CALHM4: variants seen among roughly 807,000 people sequenced by gnomAD.
The protein encoded by CALHM4 is calcium homeostasis modulator family member 4.
In CALHM4, 16 loss-of-function variants were observed where a neutral mutation model predicts 13.3. That is an observed-to-expected ratio of 1.20 (90% CI 0.81 to 1.82). The LOEUF (loss-of-function observed/expected upper bound fraction) is 1.82, where lower values mean the gene tolerates loss of function less well. Among genes scored for constraint, CALHM4 ranks in the 40% most tolerant of loss-of-function variants. The pLI, the probability that CALHM4 is intolerant of heterozygous loss-of-function variation, is 0.00. For missense variants in CALHM4, 344 were observed against 374.9 expected (o/e 0.92, Z 0.68); for synonymous variants, 127 against 137.1 (o/e 0.93, Z 0.52).
At chr6:116,557,423 C>T (rs1270710358) in intron 1 of CALHM4, among the ~76,000 whole-genome samples, 1 of 152,150 alleles carries the variant, frequency 6.6e-6, no homozygotes, top group African/African-American at 2.4e-5. Context: ...CCATCATTAT[C>T]AAATACTTAT....
At chr6:116,546,276 C>G (rs947363231) in intron 2 of CALHM4, among the ~76,000 whole-genome samples, 2 of 152,104 alleles carry the variant, frequency 1.3e-5, no homozygotes, top group African/African-American at 4.8e-5. Context: ...TTTGAGAGCT[C>G]CTGAGACGTA....
At chr6:116,551,320 A>G (rs1774069788), upstream of CALHM4, among the ~76,000 whole-genome samples, 1 of 152,166 alleles carries the variant, frequency 6.6e-6, no homozygotes. Flanking sequence ...CTCTCTTCTT[A>G]TCCCTACTTC....
In CALHM4 at chr6:116,560,379, C is replaced by G. The variant is rs1288435603; in HGVS notation, c.*2168C>G. 2.6e-5 allele frequency among the ~76,000 whole-genome samples: 4 copies of G among 152,082 alleles called. No individual in the cohort carries two copies. Among genetic ancestry groups the G allele is most frequent in the Non-Finnish European group, 5.9e-5 (4 of 67,998 alleles). On this transcript the variant is annotated 3_prime_UTR_variant, in exon 2 of 2. Transcript: ENST00000368596. ...ATTAATAGTTGTTTATACCCTAATA[C>G]CAGGAAACTATTTCCACTAGCTTCT... is the stretch of plus-strand genomic sequence containing the variant.
intron 1 of CALHM4, among the ~76,000 whole-genome samples, chr6:116,542,473 G>C (rs1213342458): frequency 6.6e-6 from 1 of 151,960 alleles, no homozygotes; most frequent in Admixed American, 6.6e-5. Flanking sequence ...AAAATGTTAG[G>C]CTAAATTTCC....
In CALHM4 at chr6:116,543,393, T is replaced by C. The variant is rs528672084; in HGVS notation, c.-108-372T>C. ...AGCTCCATAGGTAAGGACAAAGAGA[T>C]CTTTATTCTGGAGAAAAAGGGGTAG... On this transcript the variant is annotated intron_variant, in intron 1 of 2. Coordinates refer to the CALHM4 transcript ENST00000368597. The C allele has an allele frequency of 1.9e-6, 3 of 1,548,868 alleles. No individual in the cohort carries two copies. In the East Asian group the frequency reaches 7.3e-5, roughly 38 times the overall value.
Position 116,558,347 on chromosome 6 carries a change from A to G in CALHM4, c.*136A>G. ...TTGTTTACGTAAGTCCATCTCAAAT[A>G]TTATTTCTAAAATCAATCTATTAGA... is the stretch of plus-strand genomic sequence containing the variant. On this transcript the variant is annotated 3_prime_UTR_variant, in exon 2 of 2. Transcript: ENST00000368596. 5 of 1,029,796 alleles carry G rather than the reference A, an allele frequency of 4.9e-6. No individual in the cohort carries two copies. Among genetic ancestry groups the G allele is most frequent in the Admixed American group, 3.1e-5 (1 of 32,352 alleles). 63.8% of individuals were successfully genotyped at this position (1,029,796 alleles called of 1,614,324 possible).
intron 2 of CALHM4, among the ~76,000 whole-genome samples, chr6:116,546,459 G>T (rs1424443742): frequency 1.3e-5 from 2 of 152,176 alleles, no homozygotes; most frequent in African/African-American, 4.8e-5. Flanking sequence ...GAGTCCATTA[G>T]TCCTATTTGT....
chr6:116,547,465 A>G (rs939098391), intron 2 of CALHM4, among the ~76,000 whole-genome samples: 5 of 152,220 alleles, frequency 3.3e-5, no homozygotes, highest in African/African-American at 4.8e-5. Context: ...TCCAGTCAAG[A>G]CACGAGCTTA....
upstream of CALHM4, among the ~76,000 whole-genome samples, chr6:116,551,780 T>C (rs1296706612): frequency 2.0e-5 from 3 of 152,172 alleles, no homozygotes; most frequent in Non-Finnish European, 4.4e-5. Context: ...ACCTTTTAAA[T>C]AAAATAACAA....
At chr6:116,549,674 T>C (rs888159131), upstream of CALHM4, among the ~76,000 whole-genome samples, 4 of 151,944 alleles carry the variant, frequency 2.6e-5, no homozygotes, top group South Asian at 4.1e-4. Context: ...CTGATAAAAG[T>C]ATATTAAAAA....
Position 116,538,911 on chromosome 6 carries a change from TG to T in CALHM4, c.-108-4853del, listed in dbSNP as rs1374969864. Among the ~76,000 whole-genome samples the T allele has an allele frequency of 2.0e-5, 3 of 152,114 alleles. No individual in the cohort carries two copies. In the East Asian group the frequency reaches 5.8e-4, roughly 29 times the overall value. ...CGCCCGGCTAATTTTTGTATTTTTT[TG>T]TAGAGGTGGGATTTCACCATGTTGG... On this transcript the variant is annotated intron_variant, in intron 1 of 2. Coordinates refer to the CALHM4 transcript ENST00000368597.
intron 1 of CALHM4, among the ~76,000 whole-genome samples, chr6:116,533,842 C>G (rs1375009470): frequency 6.6e-6 from 1 of 152,194 alleles, no homozygotes; most frequent in Non-Finnish European, 1.5e-5. Context: ...CCTTTCCTTC[C>G]TAACTTGCTA....
rs546968573 is a variant in CALHM4, at chr6:116,559,357, A to G, written c.*1146A>G. Among the ~76,000 whole-genome samples, 1 of 152,330 alleles carries G rather than the reference A, an allele frequency of 6.6e-6. No individual in the cohort carries two copies. Among genetic ancestry groups the G allele is most frequent in the African/African-American group, 2.4e-5 (1 of 41,580 alleles). ...ACTGCCAATAGTCAATCCAATTTTC[A>G]AGATTCACTTTCAAGGAGACCAAGG... On this transcript the variant is annotated 3_prime_UTR_variant, in exon 2 of 2. Transcript: ENST00000368596.
intron 1 of CALHM4, among the ~76,000 whole-genome samples, chr6:116,555,038 A>G (rs536240196): frequency 6.6e-6 from 1 of 152,378 alleles, no homozygotes; most frequent in African/African-American, 2.4e-5. Context: ...TGAAATCATC[A>G]TCATATAGTA....
chr6:116,534,069 C>G (rs548906167), intron 1 of CALHM4, among the ~76,000 whole-genome samples: 2 of 152,066 alleles, frequency 1.3e-5, no homozygotes, highest in Non-Finnish European at 2.9e-5. Context: ...AGGATTCCTC[C>G]TTTGGGTACT....
At position 116,554,238 on chromosome 6, in the gene CALHM4, A is replaced by G; in HGVS notation, c.445A>G (p.Ser149Gly). ...VDHYPMFDNV[S>G]ASKREEILAG... ...CCATTACCCAATGTTTGATAATGTC[A>G]GTGCCAGCAAACGAGAAGAGATCCT... The change falls in exon 1 of 2, where the codon AGT becomes GGT. Residue 149 changes from serine to glycine, a missense_variant. Coordinates refer to ENST00000368596, the MANE Select transcript of CALHM4 (RefSeq NM_001366078.2). 1.3e-6 allele frequency: 2 copies of G among 1,550,646 alleles called. No homozygotes were observed. The highest frequency in any genetic ancestry group is 1.7e-6 in the Non-Finnish European group (2 of 1,146,996).
Position 116,558,122 on chromosome 6 carries a change from G to T in CALHM4, c.856G>T (p.Asp286Tyr). The change falls in exon 2 of 2, where the codon GAC becomes TAC. Residue 286 changes from aspartate to tyrosine, a missense_variant. Asp to Tyr is a radical substitution (Grantham distance 160, BLOSUM62 -3). Transcript: ENST00000368596. ...ACCCACTCTTTTATGCATGGGTGATGACTTGCAAGGTCACTATAGCTTCCT... is the reference window on the plus strand; with the variant it reads ...ACCCACTCTTTTATGCATGGGTGATTACTTGCAAGGTCACTATAGCTTCCT... ...SVPTLLCMGDDLQGHYSFLGN... is the reference protein window; with the variant it reads ...SVPTLLCMGDYLQGHYSFLGN... The T allele has an allele frequency of 1.2e-6, 2 of 1,614,138 alleles. No individual in the cohort carries two copies. Among genetic ancestry groups the T allele is most frequent in the Non-Finnish European group, 1.7e-6 (2 of 1,180,006 alleles).
chr6:116,538,631 A>G (rs537899474), intron 1 of CALHM4, among the ~76,000 whole-genome samples: 3 of 152,260 alleles, frequency 2.0e-5, no homozygotes, highest in South Asian at 2.1e-4. Context: ...AACCTTAAAT[A>G]CAGGAGTCAG....
Position 116,554,133 on chromosome 6 carries a change from G to C in CALHM4, c.340G>C (p.Ala114Pro). The change falls in exon 1 of 2, where the codon GCT (alanine) becomes CCT (proline). Residue 114 changes from alanine (A) to proline (P), a missense_variant. Transcript: ENST00000368596. ...FFSITGRAVI[A>P]PLTWLAVTLL... ...CAGCATCACTGGGAGGGCAGTTATT[G>C]CTCCTTTAACTTGGCTGGCGGTGAC... The C allele has an allele frequency of 6.4e-7, 1 of 1,550,574 alleles. No homozygotes were observed. Among genetic ancestry groups the C allele is most frequent in the Non-Finnish European group, 8.7e-7 (1 of 1,146,986 alleles).
Sources: allele counts gnomAD v4.1 joint callset (sites outside exome capture counted in the v4.1 genomes callset), GRCh38; gene constraint gnomAD v4.1.1; transcripts MANE v1.5; gene names NCBI Gene and HGNC (gene_info 2026-07-23, HGNC 2026-07-21).